Variants in LAMA2 observed in about 807,000 individuals in gnomAD.
LAMA2 encodes laminin subunit alpha-2.
LAMA2 carries 269 observed loss-of-function variants against 364.8 expected under a neutral mutation model. That is an observed-to-expected ratio of 0.74 (90% CI 0.67 to 0.82). LAMA2 has a LOEUF of 0.82. LAMA2 is among the 40% of genes least tolerant of loss of function. The pLI is 0.00. For missense variants in LAMA2, 3,807 were observed against 3,873.2 expected, an observed-to-expected ratio of 0.98 and a Z score of 0.45; for synonymous variants, 1,379 against 1,370.6, an observed-to-expected ratio of 1.01 and a Z score of -0.14.
intron 1 of LAMA2, among the ~76,000 whole-genome samples, chr6:128,961,418 A>G (rs1465691063): frequency 1.4e-5 from 2 of 139,404 alleles, no homozygotes; most frequent in Middle Eastern, 3.6e-3. Flanking sequence ...ACATATATAT[A>G]TGTATATATC....
intron 1 of LAMA2, among the ~76,000 whole-genome samples, chr6:128,891,690 A>G (rs1776460209): frequency 6.6e-6 from 1 of 152,226 alleles, no homozygotes; most frequent in African/African-American, 2.4e-5. Context: ...CATGTGGTAT[A>G]CCAAATTCAG....
intron 12 of LAMA2, among the ~76,000 whole-genome samples, chr6:129,206,122 AAGGAAGG>A (rs2115062023): frequency 9.5e-6 from 1 of 105,168 alleles, no homozygotes; most frequent in East Asian, 2.9e-4. Flanking sequence ...GGAAGGAAGG[AAGGAAGG>A]AAGGAAGGAA....
At chr6:129,251,030 GTCTC>G in intron 13 of LAMA2, among the ~76,000 whole-genome samples, 1 of 67,558 alleles carries the variant, frequency 1.5e-5, no homozygotes, top group African/African-American at 6.3e-5. Flanking sequence ...CTCTCTCTCT[GTCTC>G]TCTCTTTCTC....
At chr6:128,911,317 A>G (rs1429079339) in intron 1 of LAMA2, among the ~76,000 whole-genome samples, 1 of 152,104 alleles carries the variant, frequency 6.6e-6, no homozygotes, top group Non-Finnish European at 1.5e-5. Flanking sequence ...CTTCCCAGCC[A>G]GGTGCAGGAT....
At chr6:129,276,588 C>T (rs572116461) in intron 17 of LAMA2, among the ~76,000 whole-genome samples, 1 of 152,194 alleles carries the variant, frequency 6.6e-6, no homozygotes, top group African/African-American at 2.4e-5. Flanking sequence ...GTCTGATAAT[C>T]AGGAATTGTT....
chr6:129,133,704 G>T (rs1388845325), intron 4 of LAMA2, among the ~76,000 whole-genome samples: 1 of 152,178 alleles, frequency 6.6e-6, no homozygotes, highest in Admixed American at 6.5e-5. Flanking sequence ...TAAAGTCTCT[G>T]ACATCTTGAG....
At chr6:129,034,521 C>T (rs570918525) in intron 1 of LAMA2, among the ~76,000 whole-genome samples, 2 of 151,698 alleles carry the variant, frequency 1.3e-5, no homozygotes, top group African/African-American at 4.8e-5. Context: ...GGGTTTGTGA[C>T]ATGGGTATAT....
At chr6:129,272,851 T>A (rs1271651170) in intron 17 of LAMA2, among the ~76,000 whole-genome samples, 2 of 152,042 alleles carry the variant, frequency 1.3e-5, no homozygotes, top group Admixed American at 6.6e-5. Context: ...ATGCTCCTTA[T>A]GAGAGTCTAA....
chr6:129,062,526 AC>A (rs1243316332), intron 3 of LAMA2, among the ~76,000 whole-genome samples: 9 of 152,038 alleles, frequency 5.9e-5, no homozygotes, highest in Non-Finnish European at 7.4e-5. Context: ...ATAGCCAACA[AC>A]CTGTTTCGTT....
chr6:129,179,229 G>A (rs1235962816), intron 10 of LAMA2, among the ~76,000 whole-genome samples: 1 of 151,898 alleles, frequency 6.6e-6, no homozygotes, highest in Non-Finnish European at 1.5e-5. Context: ...TGTCTTGTGT[G>A]TGCTTTATTC....
intron 8 of LAMA2, among the ~76,000 whole-genome samples, chr6:129,163,107 TTA>T (rs1779537532): frequency 6.6e-6 from 1 of 152,200 alleles, no homozygotes; most frequent in African/African-American, 2.4e-5. Context: ...GCTATTTTTT[TTA>T]TTTTTACTTA....
intron 41 of LAMA2, among the ~76,000 whole-genome samples, chr6:129,428,356 C>T (rs1781427178): frequency 6.6e-6 from 1 of 152,198 alleles, no homozygotes; most frequent in African/African-American, 2.4e-5. Context: ...ATCGCTTTAG[C>T]CCAGGGGCGT....
chr6:129,314,898 T>A, intron 24 of LAMA2, 100 bp downstream of exon 24: 1 of 1,210,394 alleles, frequency 8.3e-7, no homozygotes, highest in Non-Finnish European at 1.2e-6. Flanking sequence ...GCAAAACATT[T>A]AAGTAACCTT....
At chr6:129,059,030 A>G (rs997570196) in intron 2 of LAMA2, among the ~76,000 whole-genome samples, 4 of 152,232 alleles carry the variant, frequency 2.6e-5, no homozygotes, top group African/African-American at 7.2e-5. Context: ...GACAGACTTC[A>G]GTCTCTCTTC....
Position 129,511,052 on chromosome 6 carries a change from G to A in LAMA2, c.8858-1311G>A, listed in dbSNP as rs1583942475. On this transcript the variant is annotated intron_variant, in intron 62 of 64. Coordinates refer to ENST00000421865, the MANE Select transcript of LAMA2 (RefSeq NM_000426.4). ...TGGATTGACTTGCCATCCTGCCTGG[G>A]CTCTTATAATTCTGGATCAAACAAA... 4.6e-5 allele frequency among the ~76,000 whole-genome samples: 7 copies of A among 152,118 alleles called. No homozygotes were observed. The South Asian group carries it at 1.5e-3, about 32-fold the overall frequency.
chr6:128,953,223 C>A (rs2114573569), intron 1 of LAMA2, among the ~76,000 whole-genome samples: 1 of 152,280 alleles, frequency 6.6e-6, no homozygotes, highest in Non-Finnish European at 1.5e-5. Flanking sequence ...CGAGTGATCA[C>A]TGTCCCTCTA....
chr6:129,059,037 C>T (rs1375684241), intron 2 of LAMA2, among the ~76,000 whole-genome samples: 1 of 152,168 alleles, frequency 6.6e-6, no homozygotes, highest in Non-Finnish European at 1.5e-5. Flanking sequence ...TTCAGTCTCT[C>T]TTCATGTGAA....
rs578153291 is a variant in LAMA2, at chr6:128,918,838, G to A, written c.112+35481G>A. Among the ~76,000 whole-genome samples, 17 of 152,270 alleles carry A rather than the reference G, an allele frequency of 1.1e-4. No homozygotes were observed. In the South Asian group the frequency reaches 1.9e-3, roughly 17 times the overall value. ...TTTAAAACAAGTAGTTCGAGGTTCAGCCTTCTGATCATTTTCCTGATATGG... is the reference window on the plus strand; with the variant it reads ...TTTAAAACAAGTAGTTCGAGGTTCAACCTTCTGATCATTTTCCTGATATGG... On this transcript the variant is annotated intron_variant, in intron 1 of 64. Coordinates refer to ENST00000421865, the MANE Select transcript of LAMA2 (RefSeq NM_000426.4).
intron 34 of LAMA2, among the ~76,000 whole-genome samples, chr6:129,381,220 A>G (rs1778664310): frequency 6.6e-6 from 1 of 152,220 alleles, no homozygotes; most frequent in South Asian, 2.1e-4. Context: ...CAAAATATAG[A>G]TCAAGTTCCT....
Sources: gnomAD v4.1 joint callset for allele counts (sites outside exome capture counted in the v4.1 genomes callset) on GRCh38, gnomAD v4.1.1 for gene constraint, MANE v1.5 for transcripts, NCBI Gene and HGNC (gene_info 2026-07-23, HGNC 2026-07-21) for gene names.